PDE3B: variants seen among roughly 807,000 people sequenced by gnomAD.
PDE3B encodes the protein cGMP-inhibited 3',5'-cyclic phosphodiesterase 3B.
PDE3B carries 66 observed loss-of-function variants against 116.8 expected under a neutral mutation model. The ratio of observed to expected loss-of-function variants is 0.56; its 90% CI spans 0.46 to 0.69. The LOEUF (loss-of-function observed/expected upper bound fraction) is 0.69, where lower values mean the gene tolerates loss of function less well. Among genes scored for constraint, PDE3B ranks in the 30% least tolerant of loss-of-function variants. The pLI is 0.00. For synonymous variants in PDE3B, 595 were observed against 533.6 expected, an observed-to-expected ratio of 1.12 and a Z score of -1.59; for missense variants, 1,384 against 1,368.1, an observed-to-expected ratio of 1.01 and a Z score of -0.18.
At chr11:14,779,439 A>AG (rs1320849211) in intron 2 of PDE3B, among the ~76,000 whole-genome samples, 1 of 152,262 alleles carries the variant, frequency 6.6e-6, no homozygotes, top group African/African-American at 2.4e-5. Context: ...TTACCCACAA[A>AG]GGGAAGCCCA....
At chr11:14,736,512 C>A (rs1328930975) in intron 1 of PDE3B, among the ~76,000 whole-genome samples, 1 of 152,062 alleles carries the variant, frequency 6.6e-6, no homozygotes, top group African/African-American at 2.4e-5. Context: ...TTGCCATTAA[C>A]AGAAATAAAG....
chr11:14,733,281 C>T (rs1856510180), intron 1 of PDE3B, among the ~76,000 whole-genome samples: 2 of 152,162 alleles, frequency 1.3e-5, no homozygotes, highest in South Asian at 4.2e-4. Flanking sequence ...TATCTCAGCC[C>T]CTAGGATGGT....
chr11:14,677,152 CT>C (rs1168321019), intron 1 of PDE3B, among the ~76,000 whole-genome samples: 2 of 151,642 alleles, frequency 1.3e-5, no homozygotes, highest in Non-Finnish European at 2.9e-5. Flanking sequence ...GATTTAAATT[CT>C]AAAAAAAATG....
chr11:14,876,107 C>G (rs185680321), downstream of PDE3B, among the ~76,000 whole-genome samples: 30 of 152,262 alleles, frequency 2.0e-4, no homozygotes, highest in Admixed American at 6.5e-4. Context: ...CCTTAAAGTT[C>G]AACTTAGGCT....
chr11:14,861,685 A>C (rs1055683963), intron 14 of PDE3B, among the ~76,000 whole-genome samples: 1 of 152,208 alleles, frequency 6.6e-6, no homozygotes, highest in East Asian at 1.9e-4. Context: ...AAAGAATTCA[A>C]CTGAGGGGCA....
chr11:14,859,001 A>G, intron 12 of PDE3B, 42 bp from the exon 13 acceptor site: 2 of 1,388,122 alleles, frequency 1.4e-6, no homozygotes, highest in Non-Finnish European at 1.0e-6. Flanking sequence ...AAACTTTAAT[A>G]TCTTTGAGGT....
chr11:14,776,154 A>G (rs1198888343), intron 2 of PDE3B: 1 of 152,256 alleles, frequency 6.6e-6, no homozygotes, highest in Non-Finnish European at 1.5e-5. Context: ...CTAGCAACAT[A>G]AGGTGACACA....
At chr11:14,751,805 A>G (rs779613832) in intron 1 of PDE3B, among the ~76,000 whole-genome samples, 8 of 152,310 alleles carry the variant, frequency 5.3e-5, no homozygotes, top group African/African-American at 1.2e-4. Context: ...AGATTTATCT[A>G]TCAGCTCTTG....
chr11:14,722,378 T>A lies in PDE3B; in HGVS notation c.979-49559T>A, dbSNP rs1856142648. On this transcript the variant is annotated intron_variant, in intron 1 of 15. Coordinates refer to ENST00000282096, the MANE Select transcript of PDE3B (RefSeq NM_000922.4). The stretch of plus-strand genomic sequence containing the variant: ...GAGGGTAGCAAAAAATCCATCTGTG[T>A]CAACTGGCAGATAGAGTAAAAAAAA... 2.0e-5 allele frequency among the ~76,000 whole-genome samples: 3 copies of A among 151,822 alleles called. No individual in the cohort carries two copies. In the South Asian group the frequency reaches 6.2e-4, roughly 32 times the overall value.
intron 1 of PDE3B, among the ~76,000 whole-genome samples, chr11:14,739,265 C>G (rs568248596): frequency 5.9e-5 from 9 of 151,828 alleles, no homozygotes; most frequent in Non-Finnish European, 1.3e-4. Context: ...TGTTTGTGTC[C>G]TCTCTTATTT....
intron 1 of PDE3B, among the ~76,000 whole-genome samples, chr11:14,720,924 G>A (rs1340135675): frequency 3.7e-5 from 4 of 109,496 alleles, no homozygotes; most frequent in African/African-American, 1.5e-4. Flanking sequence ...ATTGACAAAT[G>A]GGATCTAATT....
intron 1 of PDE3B, among the ~76,000 whole-genome samples, chr11:14,723,925 T>G (rs1275186375): frequency 6.6e-6 from 1 of 152,192 alleles, no homozygotes; most frequent in African/African-American, 2.4e-5. Flanking sequence ...TAGCAAGGCC[T>G]TGGAAGGTGA....
At chr11:14,881,652 T>C in the PDE3B span, among the ~76,000 whole-genome samples, 1 of 152,064 alleles carries the variant, frequency 6.6e-6, no homozygotes, top group African/African-American at 2.4e-5. Flanking sequence ...GAGTTCTCGC[T>C]CAGTTAATGT....
At chr11:14,780,109 A>C (rs1483818982) in intron 2 of PDE3B, among the ~76,000 whole-genome samples, 1 of 152,212 alleles carries the variant, frequency 6.6e-6, no homozygotes. Context: ...CAACAAGAAG[A>C]GCTAACTATC....
chr11:14,661,239 A>G (rs1009701102), intron 1 of PDE3B, among the ~76,000 whole-genome samples: 1 of 152,270 alleles, frequency 6.6e-6, no homozygotes, highest in Non-Finnish European at 1.5e-5. Flanking sequence ...TTGTGGCAGT[A>G]TTCACAATAG....
the PDE3B span, chr11:14,877,371 C>A: frequency 6.6e-6 from 1 of 152,116 alleles, no homozygotes; most frequent in African/African-American, 2.4e-5. Context: ...GATCTTTAAT[C>A]CTTGTGATTG....
downstream of PDE3B, among the ~76,000 whole-genome samples, chr11:14,875,200 T>G (rs2134002289): frequency 6.6e-6 from 1 of 152,254 alleles, no homozygotes; most frequent in South Asian, 2.1e-4. Flanking sequence ...ACTTCTCTCC[T>G]TATGTACCGA....
At position 14,818,372 on chromosome 11, in the gene PDE3B, C is replaced by A. The variant is rs1249227217; in HGVS notation, c.1712C>A (p.Ser571Tyr). Reference protein sequence around the residue: ...TPDFYQQLRNSDSNLCNSCGH... With the variant: ...TPDFYQQLRNYDSNLCNSCGH... The stretch of plus-strand genomic sequence containing the variant: ...GATTTTTATCAGCAACTTAGAAATT[C>A]TGATAGCAATCTGTGTAACAGGTAA... The change falls in exon 6 of 16, where the codon TCT (serine) becomes TAT (tyrosine). Residue 571 changes from serine to tyrosine, a missense_variant. Ser to Tyr is a moderately radical substitution (Grantham distance 144, BLOSUM62 -2). Transcript: ENST00000282096. 1 of 1,609,192 alleles carries A rather than the reference C, an allele frequency of 6.2e-7. No individual in the cohort carries two copies. Among genetic ancestry groups the A allele is most frequent in the Non-Finnish European group, 8.5e-7 (1 of 1,175,596 alleles).
intron 1 of PDE3B, among the ~76,000 whole-genome samples, chr11:14,657,329 A>G (rs769012688): frequency 1.3e-5 from 2 of 152,214 alleles, no homozygotes; most frequent in Non-Finnish European, 2.9e-5. Flanking sequence ...GAGAAACTGT[A>G]TGTAAAAAAG....
Sources: allele counts gnomAD v4.1 joint callset (sites outside exome capture counted in the v4.1 genomes callset), GRCh38; gene constraint gnomAD v4.1.1; transcripts MANE v1.5; gene names NCBI Gene and HGNC (gene_info 2026-07-23, HGNC 2026-07-21).